TTC19: variants seen among roughly 807,000 people sequenced by gnomAD.
The protein encoded by TTC19 is tetratricopeptide repeat protein 19, mitochondrial.
TTC19 carries 38 observed loss-of-function variants against 49.5 expected under a neutral mutation model. That is an observed-to-expected ratio of 0.77 (90% CI 0.59 to 1.01). TTC19 has a LOEUF of 1.01. TTC19 is among the 50% of genes least tolerant of loss of function. The probability of loss-of-function intolerance (pLI) is 0.00; values close to 1 mark genes in which losing one functional copy is unlikely to be tolerated. For missense variants in TTC19, 475 were observed against 477.7 expected (o/e 0.99, Z 0.05); for synonymous variants, 204 against 185.2 (o/e 1.10, Z -0.83).
At chr17:16,015,759 T>C (rs1004254588) in intron 7 of TTC19, among the ~76,000 whole-genome samples, 2 of 152,118 alleles carry the variant, frequency 1.3e-5, no homozygotes, top group African/African-American at 4.8e-5. Flanking sequence ...ACTTACCTCA[T>C]AGAGTTACAA....
chr17:16,032,243 C>A, downstream of TTC19: 5 of 1,488,876 alleles, frequency 3.4e-6, no homozygotes, highest in Non-Finnish European at 4.4e-6. Flanking sequence ...AAAATTAAAC[C>A]ACAAAAACTA....
chr17:16,043,739 G>A (rs937879800), intron 2 of TTC19, among the ~76,000 whole-genome samples: 2 of 152,180 alleles, frequency 1.3e-5, no homozygotes, highest in Admixed American at 6.5e-5. Context: ...CTAGCTCTCC[G>A]TGCTCACACA....
In TTC19 at chr17:16,000,005, G is replaced by A; in HGVS notation, c.157G>A (p.Gly53Ser). Residue 53 changes from glycine (G) to serine (S), a missense_variant, in exon 1 of 10, where the codon GGC becomes AGC. Coordinates refer to ENST00000261647, the MANE Select transcript of TTC19 (RefSeq NM_017775.4). The stretch of plus-strand genomic sequence containing the variant: ...ATCCCGAGTCGCGCCGCACGGCCGG[G>A]GCCCAGGCCTGCTGCCGCTGCTGGC... ...PPSRVAPHGR[G>S]PGLLPLLAAL... The A allele has an allele frequency of 8.1e-7, 1 of 1,232,286 alleles. No individual in the cohort carries two copies. The highest frequency in any genetic ancestry group is 1.0e-6 in the Non-Finnish European group (1 of 989,496). The allele number at this position is 1,232,286 out of a possible 1,614,324, so 76.3% of individuals were successfully genotyped here. A position where few individuals can be genotyped will look rare whatever the true frequency, so the allele number is the denominator to read the frequency against.
downstream of TTC19, chr17:16,030,161 ATGTT>A (rs1248632091): frequency 4.0e-5 from 8 of 198,724 alleles, no homozygotes; most frequent in East Asian, 7.9e-5. Flanking sequence ...AGAAGAGAAA[ATGTT>A]TGTTAAGATT....
chr17:16,034,790 G>A (rs1973836005), intron 2 of TTC19: 5 of 1,613,684 alleles, frequency 3.1e-6, no homozygotes, highest in Non-Finnish European at 4.2e-6. Context: ...TGTCTTCCCA[G>A]GCCCACCCTG....
chr17:16,001,954 A>C lies in TTC19; in HGVS notation c.352A>C (p.Ile118Leu), dbSNP rs910944191. ...AGATGAGCCAGAAGAGGCTGAGTTA[A>C]TTTTGCATGACGCTCTTCGTCTCGC... ...MKDEPEEAEL[I>L]LHDALRLAYQ... is the part of the protein sequence containing the mutation. The change falls in exon 3 of 10, where the codon ATT becomes CTT. Residue 118 changes from isoleucine (I) to leucine (L), a missense_variant. Physicochemically the swap from Ile to Leu is conservative, Grantham distance 5 (BLOSUM62 2). Transcript: ENST00000261647. 1 of 1,613,434 alleles carries C rather than the reference A, an allele frequency of 6.2e-7. No individual in the cohort carries two copies.
At chr17:16,040,033 G>A (rs539068947) in intron 2 of TTC19, 19 of 394,966 alleles carry the variant, frequency 4.8e-5, no homozygotes, top group South Asian at 8.1e-5. Context: ...CAGGTGATCC[G>A]CCCGCCTTGG....
chr17:16,031,526 C>T (rs1207645050), downstream of TTC19: 1 of 211,110 alleles, frequency 4.7e-6, no homozygotes, highest in Non-Finnish European at 9.6e-6. Context: ...TGAGGTATGC[C>T]TCAAATAAGC....
chr17:16,000,840 G>A (rs1363283492), intron 2 of TTC19, among the ~76,000 whole-genome samples: 2 of 152,038 alleles, frequency 1.3e-5, no homozygotes, highest in Non-Finnish European at 2.9e-5. Context: ...AAAACTAAAC[G>A]ATCTTTAATG....
intron 6 of TTC19, among the ~76,000 whole-genome samples, chr17:16,005,300 G>C (rs932797758): frequency 6.6e-6 from 1 of 152,218 alleles, no homozygotes; most frequent in African/African-American, 2.4e-5. Context: ...GACTGGGAGC[G>C]TCTTCTGGGC....
chr17:16,044,300 A>G (rs1354799261), intron 2 of TTC19: 1 of 437,868 alleles, frequency 2.3e-6, no homozygotes, highest in Non-Finnish European at 4.7e-6. Context: ...AAGAGCGAGG[A>G]CAAGTTCAGA....
chr17:16,009,942 C>G (rs544006011), intron 7 of TTC19, among the ~76,000 whole-genome samples: 1 of 151,922 alleles, frequency 6.6e-6, no homozygotes, highest in African/African-American at 2.4e-5. Context: ...AAAATACAGG[C>G]AGTGATTCTC....
At chr17:16,039,302 G>T in intron 2 of TTC19, 1 of 858,536 alleles carries the variant, frequency 1.2e-6, no homozygotes, top group Non-Finnish European at 1.8e-6. Flanking sequence ...TTTAAGTAAC[G>T]GAAACCCTAA....
chr17:16,040,009 C>A, intron 2 of TTC19: 1 of 390,448 alleles, frequency 2.6e-6, no homozygotes, highest in Non-Finnish European at 4.9e-6. Flanking sequence ...AGGCTGATCT[C>A]GAATTCCGAA....
At position 16,001,939 on chromosome 17, in the gene TTC19, G is replaced by A; in HGVS notation, c.337G>A (p.Glu113Lys). The A allele has an allele frequency of 6.2e-7, 1 of 1,613,296 alleles. No individual in the cohort carries two copies. Among genetic ancestry groups the A allele is most frequent in the African/African-American group, 1.3e-5 (1 of 75,022 alleles). ...GTTGAGCATTATGAAAGATGAGCCAGAAGAGGCTGAGTTAATTTTGCATGA... is the reference window on the plus strand; with the variant it reads ...GTTGAGCATTATGAAAGATGAGCCAAAAGAGGCTGAGTTAATTTTGCATGA... ...AKLSIMKDEP[E>K]EAELILHDAL... is the part of the protein sequence containing the mutation. The change falls in exon 3 of 10, where the codon GAA (glutamate) becomes AAA (lysine). Residue 113 changes from glutamate to lysine, a missense_variant. Transcript: ENST00000261647.
At chr17:16,032,201 T>C, downstream of TTC19, 1 of 1,268,344 alleles carries the variant, frequency 7.9e-7, no homozygotes, top group Non-Finnish European at 1.1e-6. Context: ...AGGGAATAAG[T>C]CACAGGAGGG....
At position 16,009,086 on chromosome 17, in the gene TTC19, CTGAA is replaced by C. The variant is rs1340221965; in HGVS notation, c.676+2523_676+2526del. ...GCACATAATAGAGGCTCAATAATTA[CTGAA>C]TGAAAGAACAAAAGACCCAAGAAAG... On this transcript the variant is annotated intron_variant, in intron 7 of 9. Transcript: ENST00000261647. 2.0e-5 allele frequency among the ~76,000 whole-genome samples: 3 copies of C among 152,130 alleles called. 1 individual carries two copies. The highest frequency in any genetic ancestry group is 4.4e-5 in the Non-Finnish European group (3 of 68,032).
In TTC19 at chr17:16,029,106, T is replaced by TGAGTGAG. The variant is rs758709551; in HGVS notation, c.*1584_*1585insGAGTGAG. The TGAGTGAG allele has an allele frequency of 2.2e-6, 1 of 452,634 alleles. No homozygotes were observed. The allele number at this position is 452,634 out of a possible 1,614,324, so 28.0% of individuals were successfully genotyped here. On this transcript the variant is annotated 3_prime_UTR_variant, in exon 10 of 10. Coordinates refer to ENST00000261647, the MANE Select transcript of TTC19 (RefSeq NM_017775.4). Reference sequence around the variant, plus strand: ...AAAATTAATGTCAACCACTCACCTTTTGCATTGAGAATGTTTTTACCTTTT... The same window carrying TGAGTGAG: ...AAAATTAATGTCAACCACTCACCTTTGAGTGAGTGCATTGAGAATGTTTTTACCTTTT...
At chr17:16,011,917 A>C (rs1971080987) in intron 7 of TTC19, among the ~76,000 whole-genome samples, 1 of 152,114 alleles carries the variant, frequency 6.6e-6, no homozygotes, top group Admixed American at 6.5e-5. Context: ...TGATAAGCCT[A>C]TGTCCTCCTC....
Sources: gnomAD v4.1 joint callset for allele counts (sites outside exome capture counted in the v4.1 genomes callset) on GRCh38, gnomAD v4.1.1 for gene constraint, MANE v1.5 for transcripts, NCBI Gene and HGNC (gene_info 2026-07-23, HGNC 2026-07-21) for gene names.